SLCO3A1: variants seen among roughly 807,000 people sequenced by gnomAD.
SLCO3A1 encodes PGE1 transporter.
A neutral mutation model predicts 63.1 loss-of-function variants in SLCO3A1; 27 were observed. The ratio of observed to expected loss-of-function variants is 0.43; its 90% confidence interval spans 0.32 to 0.59. The LOEUF is 0.59. Among genes scored for constraint, SLCO3A1 ranks in the 20% least tolerant of loss-of-function variants. The pLI, the probability that SLCO3A1 is intolerant of heterozygous loss-of-function variation, is 0.09. For missense variants in SLCO3A1, 773 were observed against 945.8 expected (o/e 0.82, Z 2.40); for synonymous variants, 473 against 409.9 (o/e 1.15, Z -1.86).
intron 2 of SLCO3A1, among the ~76,000 whole-genome samples, chr15:91,923,770 T>C (rs1274034882): frequency 1.3e-5 from 2 of 152,244 alleles, no homozygotes; most frequent in African/African-American, 2.4e-5. Flanking sequence ...TTGTATATCG[T>C]TTTGCTTAGT....
chr15:91,921,549 T>G (rs1597122329), intron 2 of SLCO3A1, among the ~76,000 whole-genome samples: 2 of 152,136 alleles, frequency 1.3e-5, no homozygotes, highest in Non-Finnish European at 1.5e-5. Flanking sequence ...TGATATAGTT[T>G]TTTTTTTAAA....
At chr15:92,129,731 T>G (rs1206042567) in intron 7 of SLCO3A1, among the ~76,000 whole-genome samples, 1 of 152,310 alleles carries the variant, frequency 6.6e-6, no homozygotes, top group East Asian at 1.9e-4. Context: ...CTACATCTTA[T>G]ATCTTTCAGG....
At chr15:92,140,085 G>T (rs2048110694) in intron 7 of SLCO3A1, among the ~76,000 whole-genome samples, 1 of 102,078 alleles carries the variant, frequency 9.8e-6, no homozygotes, top group African/African-American at 5.2e-5. Flanking sequence ...GTCAATTTTG[G>T]ATCTTTCCTG....
At chr15:91,989,138 C>T (rs528139356) in intron 2 of SLCO3A1, among the ~76,000 whole-genome samples, 2 of 152,268 alleles carry the variant, frequency 1.3e-5, no homozygotes, top group South Asian at 2.1e-4. Context: ...CTGTTTATTC[C>T]ACTGTGCCTT....
intron 2 of SLCO3A1, among the ~76,000 whole-genome samples, chr15:92,068,028 G>A (rs1048273839): frequency 6.6e-6 from 1 of 151,980 alleles, no homozygotes; most frequent in Admixed American, 6.6e-5. Context: ...TGATCACCTC[G>A]CAAGGACCCC....
chr15:92,074,303 A>G (rs75660638), intron 2 of SLCO3A1, among the ~76,000 whole-genome samples: 2,022 of 152,314 alleles, frequency 0.013, 44 homozygotes, highest in African/African-American at 0.047. Flanking sequence ...AGTCTGAGCC[A>G]TTCAGTTAAC....
At chr15:92,051,379 G>A (rs2046955412) in intron 2 of SLCO3A1, among the ~76,000 whole-genome samples, 1 of 152,168 alleles carries the variant, frequency 6.6e-6, no homozygotes. Flanking sequence ...GCATAGGAAG[G>A]CAGAGCAAGA....
chr15:91,929,962 T>G (rs1355573920), intron 2 of SLCO3A1, among the ~76,000 whole-genome samples: 1 of 152,208 alleles, frequency 6.6e-6, no homozygotes, highest in Non-Finnish European at 1.5e-5. Context: ...ATTTGGGTTG[T>G]TTCCACCTCT....
Position 91,985,725 on chromosome 15 carries a change from G to A in SLCO3A1, c.646+69267G>A, listed in dbSNP as rs1204615179. 8.5e-5 allele frequency among the ~76,000 whole-genome samples: 13 copies of A among 152,292 alleles called. No homozygotes were observed. The East Asian group carries it at 2.3e-3, about 27-fold the overall frequency. On this transcript the variant is annotated intron_variant, in intron 2 of 9. Coordinates refer to ENST00000318445, the MANE Select transcript of SLCO3A1 (RefSeq NM_013272.4). Reference sequence around the variant, plus strand: ...AGGGCCCTGCACTAGTGCTCCTCAGGAGTGTGCCAGTTCTGGAGGGTGGTT... The same window carrying A: ...AGGGCCCTGCACTAGTGCTCCTCAGAAGTGTGCCAGTTCTGGAGGGTGGTT...
chr15:92,089,675 C>G (rs935407592), intron 2 of SLCO3A1, among the ~76,000 whole-genome samples: 5 of 152,106 alleles, frequency 3.3e-5, no homozygotes, highest in African/African-American at 1.2e-4. Flanking sequence ...ATCTTTTCTT[C>G]CCCAGGGTCC....
intron 7 of SLCO3A1, among the ~76,000 whole-genome samples, chr15:92,130,075 C>A (rs1305598979): frequency 6.6e-6 from 1 of 152,116 alleles, no homozygotes; most frequent in African/African-American, 2.4e-5. Flanking sequence ...CGGTTATTGT[C>A]CTGTTATAAG....
At chr15:91,952,397 A>G (rs1039341219) in intron 2 of SLCO3A1, among the ~76,000 whole-genome samples, 1 of 152,258 alleles carries the variant, frequency 6.6e-6, no homozygotes, top group African/African-American at 2.4e-5. Flanking sequence ...AAACTCTACC[A>G]AAGAACAGTT....
rs1466900587 is a variant in SLCO3A1 at position 91,882,926 on chromosome 15, T to G, written c.180+28838T>G. Among the ~76,000 whole-genome samples, 1 of 152,174 alleles carries G rather than the reference T, an allele frequency of 6.6e-6. No individual in the cohort carries two copies. Among genetic ancestry groups the G allele is most frequent in the African/African-American group, 2.4e-5 (1 of 41,436 alleles). Reference sequence around the variant, plus strand: ...ATCACCTTGGTGTCCCAAAGAGATGTAATATCACCTTGTTCTTTAAGAAGT... The same window carrying G: ...ATCACCTTGGTGTCCCAAAGAGATGGAATATCACCTTGTTCTTTAAGAAGT... On this transcript the variant is annotated intron_variant, in intron 1 of 9. Transcript: ENST00000318445. This position sits in a 1 kb window ranked among gnomAD's most constrained non-coding sequence, Gnocchi z 4.4.
chr15:91,866,310 C>T (rs1261454329), intron 1 of SLCO3A1, among the ~76,000 whole-genome samples: 1 of 152,124 alleles, frequency 6.6e-6, no homozygotes, highest in Non-Finnish European at 1.5e-5. Flanking sequence ...ATGTTCCCAT[C>T]CCTCACACCC....
Position 92,133,639 on chromosome 15 carries a change from C to T in SLCO3A1, c.1512+5150C>T, listed in dbSNP as rs186895945. On this transcript the variant is annotated intron_variant, in intron 7 of 9. Coordinates refer to ENST00000318445, the MANE Select transcript of SLCO3A1 (RefSeq NM_013272.4). ...CTGCGCACGCGAGGGATCTAGGGTG[C>T]GTGTGCCTTAGGGGAATCTAATGCC... Among the ~76,000 whole-genome samples, 5 of 145,410 alleles carry T rather than the reference C, an allele frequency of 3.4e-5. No individual in the cohort carries two copies. In the East Asian group the frequency reaches 7.7e-4, roughly 22 times the overall value.
In SLCO3A1 at chr15:91,885,237, C is replaced by T. The variant is rs1897694018; in HGVS notation, c.181-30756C>T. 6.6e-6 allele frequency among the ~76,000 whole-genome samples: 1 copy of T among 152,246 alleles called. No individual in the cohort carries two copies. Among genetic ancestry groups the T allele is most frequent in the Non-Finnish European group, 1.5e-5 (1 of 68,008 alleles). Reference sequence around the variant, plus strand: ...TCCACGCCCAGTAACGAAGCCCCACCCCTGGCTGGGCCTTTTCTCACCATC... The same window carrying T: ...TCCACGCCCAGTAACGAAGCCCCACTCCTGGCTGGGCCTTTTCTCACCATC... On this transcript the variant is annotated intron_variant, in intron 1 of 9. Transcript: ENST00000318445. This position sits in a 1 kb window ranked among gnomAD's most constrained non-coding sequence, Gnocchi z 4.7.
At chr15:91,996,974 G>C (rs913905848) in intron 2 of SLCO3A1, among the ~76,000 whole-genome samples, 1 of 152,062 alleles carries the variant, frequency 6.6e-6, no homozygotes, top group Non-Finnish European at 1.5e-5. Context: ...CATAAACTAA[G>C]TTAAAAGACA....
chr15:92,126,319 C>G (rs1309398915), intron 6 of SLCO3A1, 60 bp downstream of exon 6: 6 of 1,454,846 alleles, frequency 4.1e-6, no homozygotes, highest in South Asian at 1.1e-5. Context: ...CAATCTCCCT[C>G]TGCAGTAGGT....
chr15:92,053,543 C>T (rs1243973541), intron 2 of SLCO3A1, among the ~76,000 whole-genome samples: 2 of 152,178 alleles, frequency 1.3e-5, no homozygotes, highest in Admixed American at 6.5e-5. Flanking sequence ...TACATTGAGT[C>T]ATCATGGCTC....
Sources: allele counts gnomAD v4.1 joint callset (sites outside exome capture counted in the v4.1 genomes callset), GRCh38; gene constraint gnomAD v4.1.1; non-coding constraint Gnocchi (gnomAD v3.1); transcripts MANE v1.5; gene names NCBI Gene and HGNC (gene_info 2026-07-23, HGNC 2026-07-21).